Variants in SAMD4A observed in about 807,000 individuals in gnomAD.
The protein encoded by SAMD4A is protein Smaug homolog 1.
Under a neutral mutation model 81.3 loss-of-function variants are expected in SAMD4A, and 33 were observed. That is an observed-to-expected ratio of 0.41 (90% confidence interval 0.31 to 0.54). The LOEUF (loss-of-function observed/expected upper bound fraction) is 0.54, where lower values mean the gene tolerates loss of function less well. Among genes scored for constraint, SAMD4A ranks in the 20% least tolerant of loss-of-function variants. The pLI is 0.37. For missense variants in SAMD4A, 854 were observed against 951.1 expected (o/e 0.90, Z 1.34); for synonymous variants, 389 against 382.1 (o/e 1.02, Z -0.21).
At chr14:54,706,931 G>A (rs2036875036) in intron 3 of SAMD4A, among the ~76,000 whole-genome samples, 1 of 152,110 alleles carries the variant, frequency 6.6e-6, no homozygotes. Flanking sequence ...AATGGATTAT[G>A]AGCAAACCAG....
chr14:54,620,718 G>A (rs2034595174), intron 2 of SAMD4A, among the ~76,000 whole-genome samples: 1 of 152,152 alleles, frequency 6.6e-6, no homozygotes, highest in Admixed American at 6.5e-5. Flanking sequence ...AAACTTGTCT[G>A]TAATTTAAAA....
At chr14:54,689,833 G>T (rs559813531) in intron 2 of SAMD4A, 1 of 152,236 alleles carries the variant, frequency 6.6e-6, no homozygotes, top group Non-Finnish European at 1.5e-5. Flanking sequence ...ATGTGACCTG[G>T]TGAAGGCCAA....
At chr14:54,687,892 A>T in intron 2 of SAMD4A, 1 of 950,526 alleles carries the variant, frequency 1.1e-6, no homozygotes, top group Non-Finnish European at 1.3e-6. Flanking sequence ...GTGTCCCTGA[A>T]TGGGGCTGGG....
intron 2 of SAMD4A, among the ~76,000 whole-genome samples, chr14:54,572,157 G>A (rs2033147878): frequency 6.6e-6 from 1 of 152,150 alleles, no homozygotes; most frequent in Non-Finnish European, 1.5e-5. Context: ...AGTACAGATA[G>A]ATACTCTTAG....
intron 2 of SAMD4A, among the ~76,000 whole-genome samples, chr14:54,672,406 T>G (rs1246437602): frequency 6.6e-6 from 1 of 152,258 alleles, no homozygotes; most frequent in East Asian, 1.9e-4. Context: ...GACGTCTCAC[T>G]TTGTCATGAT....
intron 3 of SAMD4A, among the ~76,000 whole-genome samples, chr14:54,718,795 G>A (rs1209888091): frequency 6.6e-6 from 1 of 151,992 alleles, no homozygotes; most frequent in Admixed American, 6.6e-5. Context: ...CCTGAGTTCA[G>A]GGGTTTGAGA....
chr14:54,651,364 C>T (rs761270637), intron 2 of SAMD4A, among the ~76,000 whole-genome samples: 1 of 152,196 alleles, frequency 6.6e-6, no homozygotes, highest in Non-Finnish European at 1.5e-5. Context: ...AATGATATTA[C>T]ACAAACACAC....
At chr14:54,710,947 C>T (rs186640833) in intron 3 of SAMD4A, among the ~76,000 whole-genome samples, 2 of 152,298 alleles carry the variant, frequency 1.3e-5, no homozygotes, top group African/African-American at 4.8e-5. Flanking sequence ...TGGCAGAGCA[C>T]CTTGTTGGAC....
At chr14:54,766,138 G>GATTGTCAA (rs1233949890) in intron 8 of SAMD4A, among the ~76,000 whole-genome samples, 28 of 152,124 alleles carry the variant, frequency 1.8e-4, no homozygotes, top group Non-Finnish European at 1.5e-5. Flanking sequence ...TCAAAAGCCC[G>GATTGTCAA]TACTGAAGGC....
rs144476786 is a variant in SAMD4A at position 54,679,200 on chromosome 14, T to A, written c.197-22862T>A. On this transcript the variant is annotated intron_variant, in intron 2 of 12. Transcript: ENST00000554335. ...TTAAAGTTGTTTTGGGTGATTCTAA[T>A]GTGTCTACAATGCATTGGACCAGGA... 2.7e-3 allele frequency among the ~76,000 whole-genome samples: 410 copies of A among 152,312 alleles called. 1 individual carries two copies. Among genetic ancestry groups the A allele is most frequent in the African/African-American group, 9.4e-3 (391 of 41,576 alleles).
At chr14:54,686,448 G>A (rs1364292078) in intron 2 of SAMD4A, among the ~76,000 whole-genome samples, 4 of 152,026 alleles carry the variant, frequency 2.6e-5, no homozygotes, top group African/African-American at 9.7e-5. Flanking sequence ...ATTTTTATTT[G>A]CATGTGAATC....
intron 2 of SAMD4A, among the ~76,000 whole-genome samples, chr14:54,615,944 C>CT (rs2034480331): frequency 6.6e-6 from 1 of 151,670 alleles, no homozygotes; most frequent in African/African-American, 2.4e-5. Context: ...GAAAAATTCT[C>CT]TTATCAGAAA....
chr14:54,684,999 C>A (rs1269341027), intron 2 of SAMD4A, among the ~76,000 whole-genome samples: 1 of 152,210 alleles, frequency 6.6e-6, no homozygotes, highest in South Asian at 2.1e-4. Flanking sequence ...GAAATCATAC[C>A]ACCTAAAGAT....
At chr14:54,752,346 T>G (rs995024555) in intron 6 of SAMD4A, among the ~76,000 whole-genome samples, 1 of 152,186 alleles carries the variant, frequency 6.6e-6, no homozygotes, top group Non-Finnish European at 1.5e-5. Context: ...CCAGCATTGC[T>G]TCTGCCTCAG....
chr14:54,750,351 T>A (rs1352285465), intron 5 of SAMD4A, among the ~76,000 whole-genome samples: 3 of 152,214 alleles, frequency 2.0e-5, no homozygotes, highest in Non-Finnish European at 2.9e-5. Flanking sequence ...TTGATATTCC[T>A]ATCTTTTCCT....
chr14:54,702,584 A>G lies in SAMD4A; in HGVS notation c.715+4A>G. On this transcript the variant is annotated splice_donor_region_variant and intron_variant, in intron 3 of 12. Coordinates refer to ENST00000554335, the MANE Select transcript of SAMD4A (RefSeq NM_015589.6). ...ATTGGAACCAGCACAAGTACAAGTA[A>G]GTTCCCCGGAATCCCTTTAACGTAG... The G allele has an allele frequency of 6.2e-7, 1 of 1,613,374 alleles. No individual in the cohort carries two copies. The highest frequency in any genetic ancestry group is 8.5e-7 in the Non-Finnish European group (1 of 1,179,490).
At chr14:54,724,022 A>AAGGAAGGAAGGAAGGG (rs2037343695) in intron 3 of SAMD4A, among the ~76,000 whole-genome samples, 1 of 150,750 alleles carries the variant, frequency 6.6e-6, no homozygotes, top group Non-Finnish European at 1.5e-5. Context: ...GGAAGGAAGG[A>AAGGAAGGAAGGAAGGG]AGGAAGGAAG....
Position 54,681,791 on chromosome 14 carries a change from C to T in SAMD4A, c.197-20271C>T, listed in dbSNP as rs2036135140. ...GATGGAGCCCCAAATGAAAAATATG[C>T]AGGGAGATGAGTTTAGCAGGGCTTA... On this transcript the variant is annotated intron_variant, in intron 2 of 12. Coordinates refer to ENST00000554335, the MANE Select transcript of SAMD4A (RefSeq NM_015589.6). 6 of 985,126 alleles carry T rather than the reference C, an allele frequency of 6.1e-6. No homozygotes were observed. The South Asian group carries it at 2.4e-4, about 39-fold the overall frequency. 61.0% of individuals were successfully genotyped at this position (985,126 alleles called of 1,614,324 possible).
At chr14:54,643,294 A>T (rs368859014) in intron 2 of SAMD4A, among the ~76,000 whole-genome samples, 1 of 152,238 alleles carries the variant, frequency 6.6e-6, no homozygotes, top group Admixed American at 6.5e-5. Context: ...TAGCCTCATG[A>T]TGAGCCTAAC....
Sources: gnomAD v4.1 joint callset for allele counts (sites outside exome capture counted in the v4.1 genomes callset) on GRCh38, gnomAD v4.1.1 for gene constraint, MANE v1.5 for transcripts, NCBI Gene and HGNC (gene_info 2026-07-23, HGNC 2026-07-21) for gene names.